The following TNFSF4 variants were observed in gnomAD, a reference collection of about 807,000 sequenced individuals.
TNFSF4 encodes the protein TNF superfamily member 4, also known as tumor necrosis factor ligand superfamily member 4.
Under a neutral mutation model 7.3 loss-of-function variants are expected in TNFSF4, and 4 were observed. The ratio of observed to expected loss-of-function variants is 0.55; its 90% CI spans 0.27 to 1.25. The LOEUF (loss-of-function observed/expected upper bound fraction) is 1.25. Ranked by LOEUF, TNFSF4 falls within the 50% of genes most tolerant of loss-of-function variation. TNFSF4 has a pLI of 0.12. For synonymous variants in TNFSF4, 76 were observed against 83.7 expected (o/e 0.91, Z 0.50); for missense variants, 181 against 208.8 (o/e 0.87, Z 0.82).
At chr1:173,279,554 CA>C in the TNFSF4 span, among the ~76,000 whole-genome samples, 2 of 152,092 alleles carry the variant, frequency 1.3e-5, no homozygotes, top group African/African-American at 4.8e-5. Context: ...TATCATGGTC[CA>C]AAACTGAACT....
At chr1:173,246,930 C>A in the TNFSF4 span, among the ~76,000 whole-genome samples, 2,634 of 152,306 alleles carry the variant, frequency 0.017, 78 homozygotes, top group African/African-American at 0.059. Flanking sequence ...TTGGCAGTAT[C>A]TCTACTTTGC....
the TNFSF4 span, among the ~76,000 whole-genome samples, chr1:173,402,621 C>T: frequency 6.6e-6 from 1 of 152,204 alleles, no homozygotes; most frequent in Non-Finnish European, 1.5e-5. Context: ...AGCACTATTT[C>T]TCATCAATCC....
At chr1:173,376,877 G>A in the TNFSF4 span, among the ~76,000 whole-genome samples, 1 of 152,310 alleles carries the variant, frequency 6.6e-6, no homozygotes, top group African/African-American at 2.4e-5. Flanking sequence ...GCAAAGGTCT[G>A]TGGCTTCATT....
upstream of TNFSF4, among the ~76,000 whole-genome samples, chr1:173,207,508 A>G (rs1175534012): frequency 1.3e-5 from 2 of 151,978 alleles, no homozygotes; most frequent in African/African-American, 4.8e-5. Flanking sequence ...CTGTGAAATG[A>G]CAGTCATAAA....
chr1:173,351,859 A>C, the TNFSF4 span: 3 of 597,832 alleles, frequency 5.0e-6, no homozygotes, highest in Non-Finnish European at 9.3e-6. Flanking sequence ...ACAACTGTCC[A>C]TGTAGGCATT....
chr1:173,265,156 T>G, the TNFSF4 span, among the ~76,000 whole-genome samples: 1 of 152,210 alleles, frequency 6.6e-6, no homozygotes, highest in Non-Finnish European at 1.5e-5. Flanking sequence ...TGTAGCATAG[T>G]AAGATTCAAG....
the TNFSF4 span, among the ~76,000 whole-genome samples, chr1:173,215,667 A>T: frequency 1.3e-5 from 2 of 152,206 alleles, no homozygotes; most frequent in South Asian, 4.1e-4. Context: ...TTTCACTGAC[A>T]TATGTTGCAT....
At chr1:173,433,544 A>AG in the TNFSF4 span, among the ~76,000 whole-genome samples, 1 of 151,388 alleles carries the variant, frequency 6.6e-6, no homozygotes, top group African/African-American at 2.4e-5. Flanking sequence ...AAAATACAAA[A>AG]AAAAAAAAAT....
At chr1:173,312,617 AC>A in the TNFSF4 span, among the ~76,000 whole-genome samples, 1 of 152,068 alleles carries the variant, frequency 6.6e-6, no homozygotes, top group Non-Finnish European at 1.5e-5. Context: ...CTAAAAGTTC[AC>A]TTCTGAATTA....
the TNFSF4 span, among the ~76,000 whole-genome samples, chr1:173,241,123 C>CTACAA: frequency 6.6e-6 from 1 of 152,088 alleles, no homozygotes; most frequent in African/African-American, 2.4e-5. Flanking sequence ...CTACAAAAGT[C>CTACAA]AAGAAAAAAC....
the TNFSF4 span, among the ~76,000 whole-genome samples, chr1:173,406,788 C>G: frequency 1.3e-5 from 2 of 152,276 alleles, no homozygotes; most frequent in East Asian, 1.9e-4. Context: ...AAATGTTACT[C>G]AAAGGAGCTG....
At chr1:173,374,767 T>A in the TNFSF4 span, among the ~76,000 whole-genome samples, 1 of 152,144 alleles carries the variant, frequency 6.6e-6, no homozygotes, top group East Asian at 1.9e-4. Context: ...ATACTGTGGC[T>A]CCTGCCAGGA....
the TNFSF4 span, among the ~76,000 whole-genome samples, chr1:173,381,361 C>G: frequency 1.3e-5 from 2 of 152,206 alleles, no homozygotes; most frequent in African/African-American, 4.8e-5. Flanking sequence ...GAAAAGGCTT[C>G]TGAAATCAGA....
chr1:173,222,606 A>G, the TNFSF4 span, among the ~76,000 whole-genome samples: 1 of 152,194 alleles, frequency 6.6e-6, no homozygotes, highest in Non-Finnish European at 1.5e-5. Flanking sequence ...TCCATCAAGC[A>G]AAGTACATCC....
At chr1:173,300,081 C>T in the TNFSF4 span, among the ~76,000 whole-genome samples, 1 of 151,158 alleles carries the variant, frequency 6.6e-6, no homozygotes, top group Non-Finnish European at 1.5e-5. Context: ...TAATCCCCTA[C>T]TTCCCCCAAA....
At chr1:173,402,944 C>T in the TNFSF4 span, among the ~76,000 whole-genome samples, 1 of 152,136 alleles carries the variant, frequency 6.6e-6, no homozygotes, top group African/African-American at 2.4e-5. Context: ...CCTCAACCTC[C>T]CAGGCTCAAG....
At chr1:173,430,734 G>A in the TNFSF4 span, among the ~76,000 whole-genome samples, 1 of 152,168 alleles carries the variant, frequency 6.6e-6, no homozygotes, top group Non-Finnish European at 1.5e-5. Flanking sequence ...TAGGTGACAG[G>A]CAATACCAAC....
chr1:173,198,541 C>T (rs1159957667), intron 1 of TNFSF4, among the ~76,000 whole-genome samples: 1 of 152,126 alleles, frequency 6.6e-6, no homozygotes, highest in African/African-American at 2.4e-5. Flanking sequence ...ATGGCGTGAA[C>T]GCAGGAGGCG....
the TNFSF4 span, among the ~76,000 whole-genome samples, chr1:173,371,787 G>C: frequency 6.6e-6 from 1 of 152,160 alleles, no homozygotes; most frequent in Non-Finnish European, 1.5e-5. Context: ...ATGGTTCACT[G>C]TTCTGGACCT....
Sources: allele counts gnomAD v4.1 joint callset (sites outside exome capture counted in the v4.1 genomes callset), GRCh38; gene constraint gnomAD v4.1.1; transcripts MANE v1.5; gene names NCBI Gene and HGNC (gene_info 2026-07-23, HGNC 2026-07-21).